Variants in TMOD3 observed in about 807,000 individuals in gnomAD.
TMOD3 encodes tropomodulin-3.
In TMOD3, 20 loss-of-function variants were observed where a neutral mutation model predicts 39.2. The observed-to-expected ratio is 0.51, with a 90% CI of 0.36 to 0.74. TMOD3 has a LOEUF of 0.74. TMOD3 is among the 30% of genes least tolerant of loss of function. The pLI is 0.00. For missense variants in TMOD3, 381 were observed against 412.8 expected (o/e 0.92, Z 0.67); for synonymous variants, 143 against 145.8 (o/e 0.98, Z 0.14).
intron 3 of TMOD3, among the ~76,000 whole-genome samples, chr15:51,878,852 TAAAC>T (rs2056518599): frequency 6.6e-6 from 1 of 152,226 alleles, no homozygotes; most frequent in Non-Finnish European, 1.5e-5. Flanking sequence ...AGGCAGTTTA[TAAAC>T]AAACAGTAAA....
At chr15:51,890,739 C>T (rs1446621248) in intron 5 of TMOD3, among the ~76,000 whole-genome samples, 2 of 152,146 alleles carry the variant, frequency 1.3e-5, no homozygotes, top group Non-Finnish European at 2.9e-5. Flanking sequence ...CTACATCATT[C>T]AGACATGTGT....
intron 9 of TMOD3, among the ~76,000 whole-genome samples, chr15:51,906,668 T>G (rs1470572607): frequency 2.0e-5 from 3 of 152,218 alleles, no homozygotes; most frequent in Admixed American, 6.5e-5. Flanking sequence ...TGAAGTGGTA[T>G]GCCAGTAACA....
intron 1 of TMOD3, chr15:51,860,286 T>G (rs2056410671): frequency 1.9e-6 from 1 of 528,470 alleles, no homozygotes. Flanking sequence ...TTCTGCACCT[T>G]AAATTATGCT....
chr15:51,849,568 A>G (rs8038344), intron 1 of TMOD3, among the ~76,000 whole-genome samples: 56,422 of 151,944 alleles, frequency 0.37, 10,806 homozygotes, highest in Admixed American at 0.43. Context: ...GGGAGGAAGG[A>G]CCAAGAAAAA....
chr15:51,850,883 G>A (rs1449990849), intron 1 of TMOD3, among the ~76,000 whole-genome samples: 1 of 152,100 alleles, frequency 6.6e-6, no homozygotes, highest in Non-Finnish European at 1.5e-5. Flanking sequence ...ATAGGCACGC[G>A]CCACCACGCT....
chr15:51,863,150 GCT>G, intron 2 of TMOD3, 140 bp downstream of exon 2: 1 of 812,412 alleles, frequency 1.2e-6, no homozygotes, highest in Non-Finnish European at 1.9e-6. Context: ...GTTGCTTTTG[GCT>G]CTCTCTCCAG....
chr15:51,889,296 A>G (rs890333441), intron 5 of TMOD3, 151 bp downstream of exon 5: 9 of 583,192 alleles, frequency 1.5e-5, no homozygotes, highest in Admixed American at 1.1e-4. Flanking sequence ...CAAGAAAGCC[A>G]TTGAAAATAG....
chr15:51,859,717 G>C, intron 1 of TMOD3: 1 of 487,134 alleles, frequency 2.1e-6, no homozygotes, highest in Non-Finnish European at 4.1e-6. Context: ...GCATGGCTAT[G>C]TCAGGGCTCT....
chr15:51,850,136 G>A (rs1284226961), intron 1 of TMOD3, among the ~76,000 whole-genome samples: 3 of 152,172 alleles, frequency 2.0e-5, no homozygotes, highest in Non-Finnish European at 2.9e-5. Flanking sequence ...AAGAAGTAGG[G>A]TAGTGTCTGG....
At chr15:51,872,403 A>G (rs1202256130) in intron 3 of TMOD3, among the ~76,000 whole-genome samples, 1 of 152,024 alleles carries the variant, frequency 6.6e-6, no homozygotes, top group Non-Finnish European at 1.5e-5. Context: ...CAAAAAAAAA[A>G]AGGTAACATC....
chr15:51,838,199 A>G (rs901808110), intron 1 of TMOD3, among the ~76,000 whole-genome samples: 14 of 151,880 alleles, frequency 9.2e-5, no homozygotes, highest in African/African-American at 3.4e-4. Flanking sequence ...TTTGTTTAGT[A>G]TATACTTCTC....
At chr15:51,860,317 T>A in intron 1 of TMOD3, 1 of 536,320 alleles carries the variant, frequency 1.9e-6, no homozygotes, top group South Asian at 1.4e-5. Context: ...TCATAGATGA[T>A]CCGTGCCAAT....
chr15:51,887,039 C>T (rs776804681), intron 3 of TMOD3, among the ~76,000 whole-genome samples: 6 of 151,832 alleles, frequency 4.0e-5, no homozygotes, highest in Non-Finnish European at 7.4e-5. Flanking sequence ...GCCAACATGG[C>T]AAAACCCTGT....
intron 2 of TMOD3, among the ~76,000 whole-genome samples, chr15:51,867,308 A>C (rs2056452002): frequency 6.6e-6 from 1 of 152,154 alleles, no homozygotes; most frequent in Non-Finnish European, 1.5e-5. Context: ...AATGAGTAGG[A>C]CTTGCAGGTC....
intron 3 of TMOD3, among the ~76,000 whole-genome samples, chr15:51,878,096 C>T (rs1296925987): frequency 6.6e-6 from 1 of 152,254 alleles, no homozygotes; most frequent in East Asian, 1.9e-4. Flanking sequence ...ATTCACCAGG[C>T]TCTGCCTGAA....
chr15:51,862,560 A>G (rs535883356), intron 1 of TMOD3, among the ~76,000 whole-genome samples: 308 of 152,324 alleles, frequency 2.0e-3, no homozygotes, highest in Non-Finnish European at 3.3e-3. Flanking sequence ...TAGAAATTCT[A>G]AATTCTATCA....
In TMOD3 at chr15:51,875,162, AG is replaced by A. The variant is rs1595901226; in HGVS notation, c.283+5790del. 8 of 152,322 alleles carry A rather than the reference AG, an allele frequency of 5.3e-5. No individual in the cohort carries two copies. In the East Asian group the frequency reaches 1.5e-3, roughly 29 times the overall value. 9.4% of individuals were successfully genotyped at this position (152,322 alleles called of 1,614,324 possible). A position where few individuals can be genotyped will look rare whatever the true frequency, so the allele number is the denominator to read the frequency against. ...TGAGTATGTGATTTCTTTGGAGGAAAGACAGACCTGATCCCTTAGTAAACCA... is the reference window on the plus strand; with the variant it reads ...TGAGTATGTGATTTCTTTGGAGGAAAACAGACCTGATCCCTTAGTAAACCA... On this transcript the variant is annotated intron_variant, in intron 3 of 9. Coordinates refer to ENST00000308580, the MANE Select transcript of TMOD3 (RefSeq NM_014547.5).
At chr15:51,853,758 A>T (rs1052511750) in intron 1 of TMOD3, among the ~76,000 whole-genome samples, 1 of 148,492 alleles carries the variant, frequency 6.7e-6, no homozygotes, top group South Asian at 2.1e-4. Context: ...GCGCCACTGC[A>T]CTCTGGCCTG....
intron 1 of TMOD3, among the ~76,000 whole-genome samples, chr15:51,830,952 C>T (rs2056252012): frequency 6.6e-6 from 1 of 152,174 alleles, no homozygotes; most frequent in Admixed American, 6.5e-5. Flanking sequence ...ATTAAAATGT[C>T]CCAATATATT....
Sources: allele counts gnomAD v4.1 joint callset (sites outside exome capture counted in the v4.1 genomes callset), GRCh38; gene constraint gnomAD v4.1.1; transcripts MANE v1.5; gene names NCBI Gene and HGNC (gene_info 2026-07-23, HGNC 2026-07-21).